Variants in GNG7 observed in about 807,000 individuals in gnomAD.
GNG7 encodes G protein subunit gamma 7, also known as guanine nucleotide-binding protein G(I)/G(S)/G(O) subunit gamma-7.
Under a neutral mutation model 4.0 loss-of-function variants are expected in GNG7, and 1 was observed. The observed-to-expected ratio is 0.25, with a 90% CI of 0.09 to 1.18. GNG7 has a LOEUF of 1.18. GNG7 is among the 50% of genes most tolerant of loss of function. The probability of loss-of-function intolerance (pLI) is 0.50; values close to 1 mark genes in which losing one functional copy is unlikely to be tolerated. For synonymous variants in GNG7, 34 were observed against 36.9 expected (o/e 0.92, Z 0.29); for missense variants, 86 against 91.9 (o/e 0.94, Z 0.26).
intron 3 of GNG7, among the ~76,000 whole-genome samples, chr19:2,554,913 G>A (rs1979499603): frequency 6.6e-6 from 1 of 152,090 alleles, no homozygotes; most frequent in Non-Finnish European, 1.5e-5. Flanking sequence ...CTGCAAAACG[G>A]AGAACGTCAT....
intron 3 of GNG7, among the ~76,000 whole-genome samples, chr19:2,530,843 G>A (rs935350790): frequency 1.3e-5 from 2 of 152,140 alleles, no homozygotes; most frequent in Non-Finnish European, 2.9e-5. Context: ...CTGGGTTTGG[G>A]GTCACTTTTT....
At chr19:2,650,705 C>T (rs751153161) in intron 1 of GNG7, among the ~76,000 whole-genome samples, 4 of 152,216 alleles carry the variant, frequency 2.6e-5, no homozygotes, top group African/African-American at 4.8e-5. Flanking sequence ...GCTCTGTCCT[C>T]GGGCCTTGAG....
intron 3 of GNG7, among the ~76,000 whole-genome samples, chr19:2,544,633 T>A (rs1297481424): frequency 6.6e-6 from 1 of 152,194 alleles, no homozygotes; most frequent in Non-Finnish European, 1.5e-5. Context: ...TCAGGTGATC[T>A]GCCCACCTTG....
chr19:2,692,601 CTCCAG>C (rs1303463975), intron 1 of GNG7, among the ~76,000 whole-genome samples: 5 of 150,202 alleles, frequency 3.3e-5, no homozygotes, highest in African/African-American at 1.2e-4. Flanking sequence ...CGCCACTGCA[CTCCAG>C]CCTGGGCGAC....
rs887495995 is a variant in GNG7, at chr19:2,568,761, C to A, written c.-77-13573G>T. On this transcript the variant is annotated intron_variant, in intron 2 of 4. Transcript: ENST00000382159. Reference sequence around the variant, plus strand: ...ACATACATACACACATACACACATACACATATACACATAAATACACATACA... The same window carrying A: ...ACATACATACACACATACACACATAAACATATACACATAAATACACATACA... Among the ~76,000 whole-genome samples the A allele has an allele frequency of 7.3e-5, 11 of 150,696 alleles. No homozygotes were observed. The East Asian group carries it at 1.9e-3, about 26-fold the overall frequency.
At chr19:2,692,838 T>G (rs1310833163) in intron 1 of GNG7, among the ~76,000 whole-genome samples, 1 of 147,722 alleles carries the variant, frequency 6.8e-6, no homozygotes, top group Non-Finnish European at 1.5e-5. Context: ...ATACAAAAAT[T>G]AGCCAGGTGT....
At chr19:2,524,196 G>A (rs1348572936) in intron 3 of GNG7, among the ~76,000 whole-genome samples, 3 of 152,164 alleles carry the variant, frequency 2.0e-5, no homozygotes, top group African/African-American at 7.2e-5. Flanking sequence ...GGCAGCCACC[G>A]CCCGCAATTT....
chr19:2,584,407 G>A (rs762725790), intron 2 of GNG7, among the ~76,000 whole-genome samples: 3 of 151,408 alleles, frequency 2.0e-5, no homozygotes, highest in Admixed American at 6.6e-5. Context: ...TTGCATCACT[G>A]TACTCCAGCC....
At chr19:2,569,578 CATCTCCATTCTTAA>C (rs1280102993) in intron 2 of GNG7, among the ~76,000 whole-genome samples, 18 of 152,152 alleles carry the variant, frequency 1.2e-4, no homozygotes, top group Non-Finnish European at 4.4e-5. Flanking sequence ...CCTGGCCAAT[CATCTCCATTCTTAA>C]ACAAAAAGTG....
chr19:2,669,977 T>G (rs1344175225), intron 1 of GNG7, among the ~76,000 whole-genome samples: 3 of 141,468 alleles, frequency 2.1e-5, no homozygotes, highest in Non-Finnish European at 4.5e-5. Context: ...GCCAATGCAC[T>G]CCAGACTGGG....
At chr19:2,623,065 A>G (rs774053019) in intron 2 of GNG7, among the ~76,000 whole-genome samples, 1 of 152,236 alleles carries the variant, frequency 6.6e-6, no homozygotes, top group African/African-American at 2.4e-5. Flanking sequence ...TCTGTGTCCC[A>G]GGAGGCAAAA....
rs191663854 is a variant in GNG7 at position 2,606,313 on chromosome 19, A to G, written c.-78+39911T>C. On this transcript the variant is annotated intron_variant, in intron 2 of 4. Coordinates refer to ENST00000382159, the MANE Select transcript of GNG7 (RefSeq NM_052847.3). ...CTTGAGCCCAGGAGTTGGAGGCTAC[A>G]GTGAGCCGAGATTGCACCACTGCAC... Among the ~76,000 whole-genome samples, 239 of 152,194 alleles carry G rather than the reference A, an allele frequency of 1.6e-3. 2 individuals are homozygous for G. Among genetic ancestry groups the G allele is most frequent in the African/African-American group, 5.6e-3 (234 of 41,526 alleles).
At chr19:2,687,110 T>A (rs1159228196) in intron 1 of GNG7, among the ~76,000 whole-genome samples, 2 of 149,788 alleles carry the variant, frequency 1.3e-5, no homozygotes, top group East Asian at 4.0e-4. Flanking sequence ...CACACTGGAG[T>A]GCAGGGGCAT....
chr19:2,645,334 G>A (rs923021494), intron 2 of GNG7, among the ~76,000 whole-genome samples: 2 of 150,216 alleles, frequency 1.3e-5, no homozygotes, highest in African/African-American at 4.9e-5. Flanking sequence ...CATCTCCCAG[G>A]CTCAAGTGAT....
intron 2 of GNG7, among the ~76,000 whole-genome samples, chr19:2,578,007 CT>C (rs1199178118): frequency 2.0e-5 from 3 of 151,592 alleles, no homozygotes; most frequent in African/African-American, 4.8e-5. Context: ...CCGGCTAATT[CT>C]TTTATTTTTT....
chr19:2,631,319 C>A (rs573950263), intron 2 of GNG7, among the ~76,000 whole-genome samples: 4 of 152,332 alleles, frequency 2.6e-5, no homozygotes, highest in African/African-American at 7.2e-5. Flanking sequence ...AGCCACTTAA[C>A]CTCGCTAGGT....
intron 1 of GNG7, among the ~76,000 whole-genome samples, chr19:2,652,876 A>G (rs1982867471): frequency 6.6e-6 from 1 of 151,942 alleles, no homozygotes; most frequent in African/African-American, 2.4e-5. Flanking sequence ...GAAGGCCAGA[A>G]GTTTGCAACC....
intron 2 of GNG7, among the ~76,000 whole-genome samples, chr19:2,628,981 G>A (rs992533573): frequency 1.3e-5 from 2 of 152,192 alleles, no homozygotes; most frequent in African/African-American, 2.4e-5. Flanking sequence ...GGCACCAGGC[G>A]GTGGGGGTCT....
intron 1 of GNG7, among the ~76,000 whole-genome samples, chr19:2,671,285 G>A (rs115774712): frequency 0.02 from 3,093 of 152,042 alleles, 111 homozygotes; most frequent in African/African-American, 0.071. Flanking sequence ...CAGCTCAGGA[G>A]CCTTTCTGAT....
Sources: gnomAD v4.1 joint callset for allele counts (sites outside exome capture counted in the v4.1 genomes callset) on GRCh38, gnomAD v4.1.1 for gene constraint, MANE v1.5 for transcripts, NCBI Gene and HGNC (gene_info 2026-07-23, HGNC 2026-07-21) for gene names.